PRORP: variants seen among roughly 807,000 people sequenced by gnomAD.
PRORP encodes the protein mitochondrial ribonuclease P catalytic subunit.
In PRORP, 51 loss-of-function variants were observed where a neutral mutation model predicts 59.4. That is an observed-to-expected ratio of 0.86 (90% confidence interval 0.69 to 1.08). PRORP has a LOEUF of 1.08. PRORP is among the 50% of genes least tolerant of loss of function. The probability of loss-of-function intolerance (pLI) is 0.00; values close to 1 mark genes in which losing one functional copy is unlikely to be tolerated. For synonymous variants in PRORP, 231 were observed against 245.6 expected (o/e 0.94, Z 0.55); for missense variants, 646 against 690.3 (o/e 0.94, Z 0.72).
intron 5 of PRORP, among the ~76,000 whole-genome samples, chr14:35,188,545 C>G (rs1228410492): frequency 3.3e-5 from 5 of 151,906 alleles, no homozygotes; most frequent in Admixed American, 6.6e-5. Context: ...TATATAATCT[C>G]TAAGTATTTT....
chr14:35,265,037 A>G (rs1317402127), intron 5 of PRORP, among the ~76,000 whole-genome samples: 1 of 152,192 alleles, frequency 6.6e-6, no homozygotes, highest in Non-Finnish European at 1.5e-5. Flanking sequence ...AGCCCTCGAT[A>G]ATTCATTATT....
chr14:35,245,079 T>C (rs2050452234), intron 5 of PRORP, among the ~76,000 whole-genome samples: 1 of 152,224 alleles, frequency 6.6e-6, no homozygotes, highest in African/African-American at 2.4e-5. Flanking sequence ...CATCAGGGCA[T>C]CTGGCAAAGC....
At chr14:35,154,417 C>T (rs1171922083) in intron 4 of PRORP, among the ~76,000 whole-genome samples, 1 of 152,126 alleles carries the variant, frequency 6.6e-6, no homozygotes, top group Non-Finnish European at 1.5e-5. Context: ...CATGACACCT[C>T]CTTATTAACC....
rs568839590 is a variant in PRORP at position 35,148,949 on chromosome 14, C to T, written c.1167+21338C>T. Reference sequence around the variant, plus strand: ...TTTTTTTTTTTTTGAGACGGAGTCTCGCTCTGTGGCCCAGGTGGGAGTGCA... The same window carrying T: ...TTTTTTTTTTTTTGAGACGGAGTCTTGCTCTGTGGCCCAGGTGGGAGTGCA... On this transcript the variant is annotated intron_variant, in intron 4 of 7. Coordinates refer to ENST00000534898, the MANE Select transcript of PRORP (RefSeq NM_014672.4). Among the ~76,000 whole-genome samples the T allele has an allele frequency of 3.0e-3, 367 of 122,280 alleles. 1 individual carries two copies. The highest frequency in any genetic ancestry group is 6.0e-3 in the Admixed American group (59 of 9,762). 80.2% of individuals were successfully genotyped at this position (122,280 alleles called of 152,430 possible).
intron 5 of PRORP, among the ~76,000 whole-genome samples, chr14:35,236,262 G>A (rs904248866): frequency 6.6e-6 from 1 of 152,018 alleles, no homozygotes; most frequent in African/African-American, 2.4e-5. Flanking sequence ...TTAACCTACT[G>A]ATCTATTTAT....
upstream of PRORP, chr14:35,121,865 C>A: frequency 6.2e-7 from 1 of 1,611,976 alleles, no homozygotes; most frequent in Non-Finnish European, 8.5e-7. Context: ...AGTTTAGGGC[C>A]GGGCCATCCC....
intron 4 of PRORP, among the ~76,000 whole-genome samples, chr14:35,155,560 T>TAAA (rs33984722): frequency 9.2e-6 from 1 of 108,678 alleles, no homozygotes; most frequent in Non-Finnish European, 1.9e-5. Flanking sequence ...GGTGTCTATT[T>TAAA]AAAAAAAAAA....
chr14:35,188,626 T>G (rs2048803121), intron 5 of PRORP, among the ~76,000 whole-genome samples: 1 of 152,130 alleles, frequency 6.6e-6, no homozygotes, highest in African/African-American at 2.4e-5. Context: ...TTAGTTTTGA[T>G]GAAGTCCAAT....
At chr14:35,155,805 C>T (rs1441829340) in intron 4 of PRORP, among the ~76,000 whole-genome samples, 2 of 151,902 alleles carry the variant, frequency 1.3e-5, no homozygotes, top group Admixed American at 6.6e-5. Flanking sequence ...GAATGAAAGT[C>T]CCCTTCTTAA....
chr14:35,124,115 A>C lies in PRORP; in HGVS notation c.870A>C (p.Lys290Asn). 1 of 1,613,386 alleles carries C rather than the reference A, an allele frequency of 6.2e-7. No individual in the cohort carries two copies. ...ETLKAFFDFG[K>N]DIKDDNYSNK... is the part of the protein sequence containing the mutation. ...TAAAAGCTTTCTTTGATTTTGGAAA[A>C]GACATAAAGGATGATAACTATTCAA... The change falls in exon 2 of 8, where the codon AAA becomes AAC. Residue 290 changes from lysine to asparagine, a missense_variant. Transcript: ENST00000534898.
chr14:35,223,088 T>C (rs2049831811), intron 5 of PRORP, among the ~76,000 whole-genome samples: 2 of 152,200 alleles, frequency 1.3e-5, no homozygotes, highest in Admixed American at 1.3e-4. Context: ...TGTCTTCTTA[T>C]AAAACTCTTG....
intron 5 of PRORP, among the ~76,000 whole-genome samples, chr14:35,216,677 A>G (rs2049604807): frequency 6.6e-6 from 1 of 152,194 alleles, no homozygotes. Context: ...TAGAATTGTC[A>G]GTTCATATAG....
At chr14:35,197,650 T>A (rs1424676629) in intron 5 of PRORP, among the ~76,000 whole-genome samples, 1 of 152,178 alleles carries the variant, frequency 6.6e-6, no homozygotes, top group Non-Finnish European at 1.5e-5. Context: ...TTTTTCTAGA[T>A]AGTATTAGGA....
intron 5 of PRORP, among the ~76,000 whole-genome samples, chr14:35,242,238 A>G (rs1267559793): frequency 6.6e-6 from 1 of 152,228 alleles, no homozygotes; most frequent in East Asian, 1.9e-4. Context: ...TAGACACCAT[A>G]TAAATATTTG....
At chr14:35,174,232 T>C (rs1040066420) in intron 4 of PRORP, among the ~76,000 whole-genome samples, 2 of 151,998 alleles carry the variant, frequency 1.3e-5, no homozygotes, top group African/African-American at 4.8e-5. Flanking sequence ...TCAAATGTCA[T>C]GTCCCCTCCA....
intron 5 of PRORP, among the ~76,000 whole-genome samples, chr14:35,225,436 T>C: frequency 6.6e-6 from 1 of 152,012 alleles, no homozygotes. Flanking sequence ...AACCTCTGCC[T>C]CCCAGGTTCA....
chr14:35,212,291 C>T (rs2049468740), intron 5 of PRORP, among the ~76,000 whole-genome samples: 1 of 152,180 alleles, frequency 6.6e-6, no homozygotes, highest in Non-Finnish European at 1.5e-5. Flanking sequence ...GGTATTTTGA[C>T]CTCCTCCCAT....
intron 4 of PRORP, among the ~76,000 whole-genome samples, chr14:35,156,888 A>G (rs748359884): frequency 6.6e-6 from 1 of 152,000 alleles, no homozygotes; most frequent in Non-Finnish European, 1.5e-5. Flanking sequence ...ATAAATTAAT[A>G]CCTTTTTTTG....
chr14:35,252,381 C>T lies in PRORP; in HGVS notation c.1276-14346C>T, dbSNP rs202087649. On this transcript the variant is annotated intron_variant, in intron 5 of 7. Transcript: ENST00000534898. ...AAGGCTGCAGTGAGCCATGTTTGTG[C>T]CACTGCTGCACTCCAGCCTGGATGG... is the stretch of plus-strand genomic sequence containing the variant. Among the ~76,000 whole-genome samples, 13 of 152,298 alleles carry T rather than the reference C, an allele frequency of 8.5e-5. 1 individual carries two copies. In the East Asian group the frequency reaches 2.5e-3, roughly 29 times the overall value.
Sources: gnomAD v4.1 joint callset for allele counts (sites outside exome capture counted in the v4.1 genomes callset) on GRCh38, gnomAD v4.1.1 for gene constraint, MANE v1.5 for transcripts, NCBI Gene and HGNC (gene_info 2026-07-23, HGNC 2026-07-21) for gene names.